ROPN1L: variants seen among roughly 807,000 people sequenced by gnomAD.
ROPN1L encodes rhophilin associated tail protein 1 like.
Under a neutral mutation model 22.7 loss-of-function variants are expected in ROPN1L, and 23 were observed. The ratio of observed to expected loss-of-function variants is 1.01; its 90% confidence interval spans 0.73 to 1.43. The LOEUF (loss-of-function observed/expected upper bound fraction) is 1.43, where lower values mean the gene tolerates loss of function less well. ROPN1L is among the 40% of genes most tolerant of loss of function. The pLI, the probability that ROPN1L is intolerant of heterozygous loss-of-function variation, is 0.00. For synonymous variants in ROPN1L, 116 were observed against 117.8 expected, an observed-to-expected ratio of 0.98 and a Z score of 0.10; for missense variants, 271 against 291.5, an observed-to-expected ratio of 0.93 and a Z score of 0.51.
chr5:10,474,793 A>C (rs954977867), downstream of ROPN1L, among the ~76,000 whole-genome samples: 1 of 152,242 alleles, frequency 6.6e-6, no homozygotes, highest in Non-Finnish European at 1.5e-5. Flanking sequence ...AGTTCCTCCC[A>C]AATTGTAACT....
At chr5:10,455,755 T>TA (rs1741397579) in intron 3 of ROPN1L, among the ~76,000 whole-genome samples, 2 of 51,060 alleles carry the variant, frequency 3.9e-5, no homozygotes, top group South Asian at 1.0e-3. Flanking sequence ...AAAAGGCCCT[T>TA]AAGCTCTTGA....
intron 4 of ROPN1L, among the ~76,000 whole-genome samples, chr5:10,471,189 G>A (rs1735239451): frequency 6.6e-6 from 1 of 152,166 alleles, no homozygotes; most frequent in African/African-American, 2.4e-5. Flanking sequence ...CCAGGCTGGA[G>A]TGCAGTAGTG....
At position 10,458,692 on chromosome 5, in the gene ROPN1L, C is replaced by T. The variant is rs145385923; in HGVS notation, c.418-2492C>T. Among the ~76,000 whole-genome samples the T allele has an allele frequency of 6.3e-3, 542 of 86,560 alleles. 6 individuals carry two copies. Among genetic ancestry groups the T allele is most frequent in the Middle Eastern group, 0.021 (4 of 188 alleles). 56.8% of individuals were successfully genotyped at this position (86,560 alleles called of 152,430 possible). On this transcript the variant is annotated intron_variant, in intron 3 of 4. Transcript: ENST00000274134. ...ATGTACACCGTCCCCACCATGTACA[C>T]CATCCCCCCGTGTACATCATCCCCT... is the stretch of plus-strand genomic sequence containing the variant.
chr5:10,449,083 A>C (rs1046669689), intron 2 of ROPN1L, among the ~76,000 whole-genome samples: 2 of 152,238 alleles, frequency 1.3e-5, no homozygotes, highest in South Asian at 2.1e-4. Flanking sequence ...TGAATTCTGA[A>C]ACTAGGACTA....
intron 3 of ROPN1L, among the ~76,000 whole-genome samples, chr5:10,457,929 T>G (rs890565391): frequency 3.9e-5 from 6 of 152,066 alleles, no homozygotes; most frequent in African/African-American, 1.2e-4. Context: ...CCGTGGCTGC[T>G]GCAAGCAGGA....
downstream of ROPN1L, among the ~76,000 whole-genome samples, chr5:10,476,342 A>G (rs1357996577): frequency 6.6e-6 from 1 of 152,264 alleles, no homozygotes; most frequent in Non-Finnish European, 1.5e-5. Flanking sequence ...GGTGGGAAAT[A>G]CGTGCCTCAT....
At chr5:10,466,015 G>A (rs994570382), downstream of ROPN1L, among the ~76,000 whole-genome samples, 24 of 152,330 alleles carry the variant, frequency 1.6e-4, no homozygotes, top group African/African-American at 5.5e-4. Flanking sequence ...CCTAGCGTCC[G>A]TGGCTGGGGG....
At chr5:10,466,964 T>A (rs1735165745), downstream of ROPN1L, among the ~76,000 whole-genome samples, 1 of 152,192 alleles carries the variant, frequency 6.6e-6, no homozygotes, top group Non-Finnish European at 1.5e-5. Context: ...TGCCTCTCCG[T>A]GTCCTCGTTT....
chr5:10,445,299 C>G (rs1217203072), intron 1 of ROPN1L, among the ~76,000 whole-genome samples: 1 of 152,070 alleles, frequency 6.6e-6, no homozygotes, highest in Non-Finnish European at 1.5e-5. Context: ...TAGGAGAAAA[C>G]CCAGGTATTA....
intron 4 of ROPN1L, among the ~76,000 whole-genome samples, chr5:10,470,231 T>G (rs549960842): frequency 6.6e-6 from 1 of 152,368 alleles, no homozygotes; most frequent in Non-Finnish European, 1.5e-5. Context: ...TCCCCCGTCC[T>G]CCAAGGAAAA....
At chr5:10,446,866 C>T (rs1324097988) in intron 1 of ROPN1L, among the ~76,000 whole-genome samples, 5 of 152,108 alleles carry the variant, frequency 3.3e-5, no homozygotes, top group South Asian at 2.1e-4. Flanking sequence ...TGTGGCAAAA[C>T]GAGGCACCTA....
In ROPN1L at chr5:10,449,948, A is replaced by G. The variant is rs771351793; in HGVS notation, c.256-4A>G. The G allele has an allele frequency of 6.2e-7, 1 of 1,603,090 alleles. No homozygotes were observed. Among genetic ancestry groups the G allele is most frequent in the East Asian group, 2.3e-5 (1 of 44,408 alleles). On this transcript the variant is annotated splice_region_variant and splice_polypyrimidine_tract_variant and intron_variant, in intron 2 of 4. Transcript: ENST00000274134. ...TAAATTGTCATGCTGTGTTTTCCAA[A>G]CAGTGTCACCACAAGCGGTATGTGG...
intron 4 of ROPN1L, among the ~76,000 whole-genome samples, chr5:10,470,093 G>C (rs976781342): frequency 6.6e-6 from 1 of 152,176 alleles, no homozygotes; most frequent in Non-Finnish European, 1.5e-5. Flanking sequence ...TATTGAGTCT[G>C]ATTTTGCTAT....
intron 1 of ROPN1L, among the ~76,000 whole-genome samples, chr5:10,447,657 A>G (rs1418675605): frequency 6.6e-6 from 1 of 152,194 alleles, no homozygotes; most frequent in Non-Finnish European, 1.5e-5. Flanking sequence ...TGGGAGGATC[A>G]CTTGAGGCCA....
chr5:10,453,699 T>A (rs959310642), intron 3 of ROPN1L, among the ~76,000 whole-genome samples: 1 of 152,212 alleles, frequency 6.6e-6, no homozygotes, highest in Admixed American at 6.5e-5. Context: ...CTCTCTGTGC[T>A]GTTTACATTT....
intron 3 of ROPN1L, among the ~76,000 whole-genome samples, chr5:10,455,899 AC>A (rs1741407850): frequency 1.5e-5 from 1 of 65,348 alleles, no homozygotes; most frequent in South Asian, 4.2e-4. Flanking sequence ...TCCAGTCTCT[AC>A]CCCCAGCACA....
downstream of ROPN1L, among the ~76,000 whole-genome samples, chr5:10,468,454 A>T (rs1159584933): frequency 6.6e-6 from 1 of 152,222 alleles, no homozygotes; most frequent in Non-Finnish European, 1.5e-5. Context: ...TCTTCTTGTT[A>T]CAAGGCTGAA....
intron 3 of ROPN1L, among the ~76,000 whole-genome samples, chr5:10,455,027 C>A (rs762973592): frequency 1.3e-5 from 2 of 152,306 alleles, no homozygotes; most frequent in East Asian, 3.9e-4. Context: ...CTCCTCGGGA[C>A]GATCATCAAA....
intron 3 of ROPN1L, among the ~76,000 whole-genome samples, chr5:10,451,703 G>A (rs577882164): frequency 6.6e-6 from 1 of 152,170 alleles, no homozygotes; most frequent in Non-Finnish European, 1.5e-5. Context: ...ATGAGCAAGA[G>A]TTTTGTTGTG....
Sources: allele counts gnomAD v4.1 joint callset (sites outside exome capture counted in the v4.1 genomes callset), GRCh38; gene constraint gnomAD v4.1.1; transcripts MANE v1.5; gene names NCBI Gene and HGNC (gene_info 2026-07-23, HGNC 2026-07-21).